MED12L: variants seen among roughly 807,000 people sequenced by gnomAD.
MED12L encodes the protein mediator complex subunit 12L.
A neutral mutation model predicts 281.3 loss-of-function variants in MED12L; 60 were observed. That is an observed-to-expected ratio of 0.21 (90% CI 0.17 to 0.26). The LOEUF is 0.26. MED12L is among the 10% of genes least tolerant of loss of function. MED12L has a pLI of 1.00. For missense variants in MED12L, 2,146 were observed against 2,680.9 expected (o/e 0.80, Z 4.41); for synonymous variants, 974 against 987.2 (o/e 0.99, Z 0.25).
chr3:151,104,233 A>G (rs1721735702), intron 2 of MED12L, among the ~76,000 whole-genome samples: 1 of 152,126 alleles, frequency 6.6e-6, no homozygotes. Flanking sequence ...TGGTGTTAGA[A>G]GGGTTGGGGC....
At chr3:151,278,706 G>A (rs977321832) in intron 16 of MED12L, among the ~76,000 whole-genome samples, 3 of 152,162 alleles carry the variant, frequency 2.0e-5, no homozygotes, top group African/African-American at 4.8e-5. Flanking sequence ...ATGAGGTGGA[G>A]AACTGATGTG....
At chr3:151,301,154 CAGCA>C (rs1745864372) in intron 16 of MED12L, among the ~76,000 whole-genome samples, 1 of 152,070 alleles carries the variant, frequency 6.6e-6, no homozygotes, top group African/African-American at 2.4e-5. Flanking sequence ...TTTTGGGTGC[CAGCA>C]TCACATTATT....
At chr3:151,328,689 A>G (rs200152293) in intron 16 of MED12L, 193 of 1,614,020 alleles carry the variant, frequency 1.2e-4, no homozygotes, top group Admixed American at 2.5e-4. Context: ...GTCTCATAAA[A>G]TATCACCGAA....
chr3:151,086,480 G>GTTTT (rs549111086), intron 1 of MED12L: 3 of 142,712 alleles, frequency 2.1e-5, no homozygotes, highest in Non-Finnish European at 3.1e-5. Flanking sequence ...GCCAAGAAAA[G>GTTTT]TTTTTTTTTT....
At chr3:151,321,892 C>G (rs1749041159) in intron 16 of MED12L, among the ~76,000 whole-genome samples, 1 of 152,122 alleles carries the variant, frequency 6.6e-6, no homozygotes, top group African/African-American at 2.4e-5. Context: ...CCTCTGACTT[C>G]CTTTCTTCCC....
At chr3:151,094,201 T>C (rs888212470) in intron 2 of MED12L, among the ~76,000 whole-genome samples, 1 of 152,168 alleles carries the variant, frequency 6.6e-6, no homozygotes, top group Non-Finnish European at 1.5e-5. Flanking sequence ...ATAGAGTAAG[T>C]GAAACTTGCA....
chr3:151,333,055 G>T (rs1295864755), intron 16 of MED12L, among the ~76,000 whole-genome samples: 2 of 152,142 alleles, frequency 1.3e-5, no homozygotes, highest in African/African-American at 4.8e-5. Context: ...CTTCATCCAT[G>T]TTGTTGCAAA....
chr3:151,235,870 CAT>C (rs950507950), intron 16 of MED12L, among the ~76,000 whole-genome samples: 5 of 152,238 alleles, frequency 3.3e-5, no homozygotes, highest in South Asian at 2.1e-4. Context: ...TGGCATCTAA[CAT>C]AGCCATTCCC....
intron 16 of MED12L, among the ~76,000 whole-genome samples, chr3:151,336,313 C>T (rs558711740): frequency 1.3e-5 from 2 of 152,144 alleles, no homozygotes; most frequent in Non-Finnish European, 2.9e-5. Flanking sequence ...TGAGTGCTCA[C>T]TTTTAGTGGT....
chr3:151,118,087 T>C (rs1259603317), intron 3 of MED12L, among the ~76,000 whole-genome samples: 1 of 119,240 alleles, frequency 8.4e-6, no homozygotes, highest in Non-Finnish European at 1.6e-5. Flanking sequence ...CTAGACTCCA[T>C]CTCAAAAAAA....
chr3:151,221,756 C>T (rs1267319603), intron 16 of MED12L, among the ~76,000 whole-genome samples: 2 of 152,212 alleles, frequency 1.3e-5, no homozygotes, highest in Non-Finnish European at 2.9e-5. Flanking sequence ...GGGCAGGGCT[C>T]TCATGGAGAA....
intron 16 of MED12L, among the ~76,000 whole-genome samples, chr3:151,258,728 T>G (rs538442294): frequency 8.1e-4 from 124 of 152,148 alleles, no homozygotes; most frequent in African/African-American, 2.7e-3. Flanking sequence ...GGTGCATGCC[T>G]GTAGTCCCAG....
chr3:151,308,349 C>G (rs896387991), intron 16 of MED12L, among the ~76,000 whole-genome samples: 1 of 151,906 alleles, frequency 6.6e-6, no homozygotes, highest in Non-Finnish European at 1.5e-5. Flanking sequence ...TTACAACTTA[C>G]TGAGGTGAAA....
intron 16 of MED12L, among the ~76,000 whole-genome samples, chr3:151,217,659 G>A (rs1226928231): frequency 1.3e-5 from 2 of 152,200 alleles, no homozygotes; most frequent in African/African-American, 4.8e-5. Flanking sequence ...CCACTGTCTG[G>A]TTTGATACAG....
chr3:151,427,962 A>G (rs1328691940), intron 43 of MED12L, among the ~76,000 whole-genome samples: 1 of 152,232 alleles, frequency 6.6e-6, no homozygotes. Context: ...GTGAACAGCA[A>G]AATTTGACAT....
intron 23 of MED12L, 71 bp from the exon 24 acceptor site, chr3:151,367,575 C>T (rs16863339): frequency 7.8e-6 from 11 of 1,410,476 alleles, no homozygotes; most frequent in African/African-American, 2.9e-5. Context: ...CCTGCATTCT[C>T]TTAGTTATTA....
rs183087439 is a variant in MED12L at position 151,378,991 on chromosome 3, G to A, written c.4478+818G>A. Among the ~76,000 whole-genome samples the A allele has an allele frequency of 3.1e-4, 47 of 152,308 alleles. No individual in the cohort carries two copies. The East Asian group carries it at 8.9e-3, about 29-fold the overall frequency. On this transcript the variant is annotated intron_variant, in intron 31 of 44. Coordinates refer to ENST00000687756, the MANE Select transcript of MED12L (RefSeq NM_001393769.1). Reference sequence around the variant, plus strand: ...TATCATGTTGAAACAGACACTTAAAGGTTACATGAGTTGCTCCAGGACACA... The same window carrying A: ...TATCATGTTGAAACAGACACTTAAAAGTTACATGAGTTGCTCCAGGACACA...
At chr3:151,287,176 C>T (rs1559984220) in intron 16 of MED12L, among the ~76,000 whole-genome samples, 1 of 152,178 alleles carries the variant, frequency 6.6e-6, no homozygotes, top group Non-Finnish European at 1.5e-5. Flanking sequence ...ATGCAAAAGA[C>T]TGGCAAGGAG....
chr3:151,368,081 A>G (rs1755510518), intron 24 of MED12L, 69 bp from the exon 25 acceptor site: 1 of 1,233,726 alleles, frequency 8.1e-7, no homozygotes, highest in African/African-American at 1.5e-5. Context: ...AATTTAGCTT[A>G]ATAGGAAACC....
Sources: allele counts gnomAD v4.1 joint callset (sites outside exome capture counted in the v4.1 genomes callset), GRCh38; gene constraint gnomAD v4.1.1; transcripts MANE v1.5; gene names NCBI Gene and HGNC (gene_info 2026-07-23, HGNC 2026-07-21).